The following MAGI2 variants were observed in gnomAD, a reference collection of about 807,000 sequenced individuals.
The protein encoded by MAGI2 is membrane associated guanylate kinase, WW and PDZ domain containing 2, also known as membrane-associated guanylate kinase, WW and PDZ domain-containing protein 2.
A neutral mutation model predicts 133.3 loss-of-function variants in MAGI2; 35 were observed. That is an observed-to-expected ratio of 0.26 (90% confidence interval 0.20 to 0.35). The LOEUF (loss-of-function observed/expected upper bound fraction) is 0.35, where lower values mean the gene tolerates loss of function less well. MAGI2 is among the 10% of genes least tolerant of loss of function. The probability of loss-of-function intolerance (pLI) is 1.00; values close to 1 mark genes in which losing one functional copy is unlikely to be tolerated. For synonymous variants in MAGI2, 729 were observed against 710.6 expected, an observed-to-expected ratio of 1.03 and a Z score of -0.41; for missense variants, 1,636 against 1,863.4, an observed-to-expected ratio of 0.88 and a Z score of 2.25.
At chr7:79,025,080 A>G (rs911778153) in intron 1 of MAGI2, among the ~76,000 whole-genome samples, 1 of 152,230 alleles carries the variant, frequency 6.6e-6, no homozygotes, top group Non-Finnish European at 1.5e-5. Context: ...ACTATTCACA[A>G]TAGCAAAGAC....
chr7:78,568,102 G>A (rs952988985), intron 3 of MAGI2: 1 of 152,142 alleles, frequency 6.6e-6, no homozygotes, highest in African/African-American at 2.4e-5. Flanking sequence ...TACTTCACTT[G>A]TTAATCCTTT....
intron 2 of MAGI2, among the ~76,000 whole-genome samples, chr7:78,685,247 C>T (rs1816150916): frequency 1.3e-5 from 2 of 152,160 alleles, no homozygotes; most frequent in African/African-American, 4.8e-5. Flanking sequence ...TTAAGGCTGT[C>T]ACCCCAAGAG....
intron 9 of MAGI2, among the ~76,000 whole-genome samples, chr7:78,283,598 CTCCGAAATGGTAT>C (rs1174216623): frequency 1.3e-5 from 2 of 152,034 alleles, no homozygotes; most frequent in Non-Finnish European, 2.9e-5. Flanking sequence ...TTTCGTGTTT[CTCCGAAATGGTAT>C]TTTAAATTCC....
At chr7:78,539,478 GTTT>G (rs558119871) in intron 3 of MAGI2, among the ~76,000 whole-genome samples, 1 of 142,496 alleles carries the variant, frequency 7.0e-6, no homozygotes, top group Non-Finnish European at 1.6e-5. Context: ...TAGTTTTTTT[GTTT>G]TTTTGTTTTT....
chr7:78,536,102 A>ATTT (rs1421947064), intron 3 of MAGI2, among the ~76,000 whole-genome samples: 1 of 89,544 alleles, frequency 1.1e-5, no homozygotes, highest in African/African-American at 4.7e-5. Flanking sequence ...TATGAATTAA[A>ATTT]CTTTTTTTTT....
At chr7:78,959,248 C>G (rs565226932) in intron 2 of MAGI2, among the ~76,000 whole-genome samples, 4 of 152,058 alleles carry the variant, frequency 2.6e-5, no homozygotes, top group Non-Finnish European at 5.9e-5. Flanking sequence ...TTAGTCAATT[C>G]CAGCTGAACA....
chr7:78,302,912 G>T (rs962316948), intron 9 of MAGI2, among the ~76,000 whole-genome samples: 1 of 152,070 alleles, frequency 6.6e-6, no homozygotes, highest in East Asian at 1.9e-4. Flanking sequence ...ATTCCTTCAG[G>T]AACCAAGTGG....
chr7:78,172,861 T>C (rs1826245482), intron 14 of MAGI2, among the ~76,000 whole-genome samples: 1 of 152,224 alleles, frequency 6.6e-6, no homozygotes, highest in East Asian at 1.9e-4. Context: ...GAAAGGCTTA[T>C]GGGAGATCTT....
intron 9 of MAGI2, among the ~76,000 whole-genome samples, chr7:78,337,183 C>G (rs1442643601): frequency 6.6e-6 from 1 of 152,186 alleles, no homozygotes; most frequent in African/African-American, 2.4e-5. Flanking sequence ...ATCAGGGTCT[C>G]TAGTGTTTAC....
At chr7:78,657,887 T>C (rs1428755482) in intron 2 of MAGI2, among the ~76,000 whole-genome samples, 1 of 152,152 alleles carries the variant, frequency 6.6e-6, no homozygotes, top group Non-Finnish European at 1.5e-5. Flanking sequence ...GGTGGAGGGC[T>C]ATGCATATAT....
intron 1 of MAGI2, among the ~76,000 whole-genome samples, chr7:79,081,238 CTAT>C (rs544866672): frequency 6.8e-4 from 104 of 152,266 alleles, no homozygotes; most frequent in South Asian, 1.5e-3. Flanking sequence ...TAACTAATGT[CTAT>C]TTATCTCCAT....
chr7:78,486,535 A>G (rs1030570394), intron 6 of MAGI2: 3 of 221,318 alleles, frequency 1.4e-5, no homozygotes, highest in African/African-American at 2.3e-5. Flanking sequence ...CCAAGATGGC[A>G]GATGAGGCCA....
At chr7:78,527,029 A>AAAG (rs1554457521) in intron 3 of MAGI2, among the ~76,000 whole-genome samples, 2 of 124,916 alleles carry the variant, frequency 1.6e-5, no homozygotes, top group African/African-American at 5.8e-5. Flanking sequence ...AAAAAAAAAA[A>AAAG]AAAAAGAAAA....
At chr7:78,573,404 A>ATATATATATATATATATATATG (rs1563189772) in intron 3 of MAGI2, among the ~76,000 whole-genome samples, 1 of 85,966 alleles carries the variant, frequency 1.2e-5, no homozygotes, top group African/African-American at 5.1e-5. Flanking sequence ...ATATATATAT[A>ATATATATATATATATATATATG]GGCTGCCACT....
At chr7:78,949,410 C>A (rs1801691329) in intron 2 of MAGI2, among the ~76,000 whole-genome samples, 1 of 152,024 alleles carries the variant, frequency 6.6e-6, no homozygotes, top group Non-Finnish European at 1.5e-5. Context: ...TCTGCTTTAC[C>A]CACAATAACT....
intron 2 of MAGI2, among the ~76,000 whole-genome samples, chr7:78,990,397 A>C (rs1805643941): frequency 2.0e-5 from 3 of 152,052 alleles, no homozygotes. Context: ...TCCTCTACTT[A>C]TCCTGTCTTA....
intron 2 of MAGI2, among the ~76,000 whole-genome samples, chr7:78,861,490 C>G (rs1026012022): frequency 1.5e-4 from 23 of 152,056 alleles, no homozygotes; most frequent in Admixed American, 1.4e-3. Context: ...TATATGACTC[C>G]CCCATACAAT....
chr7:78,285,464 A>G (rs971547192), intron 9 of MAGI2, among the ~76,000 whole-genome samples: 4 of 152,104 alleles, frequency 2.6e-5, no homozygotes, highest in African/African-American at 9.7e-5. Flanking sequence ...TGCTTATTTT[A>G]TCCTTGTTAT....
intron 1 of MAGI2, among the ~76,000 whole-genome samples, chr7:79,199,999 T>G (rs1828447869): frequency 6.6e-6 from 1 of 151,956 alleles, no homozygotes; most frequent in Non-Finnish European, 1.5e-5. Flanking sequence ...CTCTTGTTGC[T>G]TAATTGAGAG....
Sources: gnomAD v4.1 joint callset for allele counts (sites outside exome capture counted in the v4.1 genomes callset) on GRCh38, gnomAD v4.1.1 for gene constraint, MANE v1.5 for transcripts, NCBI Gene and HGNC (gene_info 2026-07-23, HGNC 2026-07-21) for gene names.